The following RBFOX1 variants were observed in gnomAD, a reference collection of about 807,000 sequenced individuals.
RBFOX1 encodes RNA binding fox-1 homolog 1, also known as RNA binding protein fox-1 homolog 1.
RBFOX1 carries 8 observed loss-of-function variants against 57.7 expected under a neutral mutation model. That is an observed-to-expected ratio of 0.14 (90% confidence interval 0.08 to 0.25). The LOEUF is 0.25. RBFOX1 is among the 10% of genes least tolerant of loss of function. The pLI, the probability that RBFOX1 is intolerant of heterozygous loss-of-function variation, is 1.00. For synonymous variants in RBFOX1, 326 were observed against 222.4 expected, an observed-to-expected ratio of 1.47 and a Z score of -4.15; for missense variants, 611 against 548.5, an observed-to-expected ratio of 1.11 and a Z score of -1.14.
At chr16:5,686,441 C>T (rs1231546187) in intron 3 of RBFOX1, among the ~76,000 whole-genome samples, 1 of 152,164 alleles carries the variant, frequency 6.6e-6, no homozygotes, top group Non-Finnish European at 1.5e-5. Context: ...AGAATATAGT[C>T]AGAGTCAAAC....
chr16:6,406,056 A>C (rs2795534), intron 2 of RBFOX1, among the ~76,000 whole-genome samples: 99,638 of 152,020 alleles, frequency 0.66, 33,442 homozygotes, highest in African/African-American at 0.82. Context: ...CCAATGTCTC[A>C]CATATGTCCT....
chr16:5,401,476 G>A (rs2066712206), intron 1 of RBFOX1, among the ~76,000 whole-genome samples: 1 of 151,990 alleles, frequency 6.6e-6, no homozygotes, highest in Non-Finnish European at 1.5e-5. Flanking sequence ...TTTGTGATGG[G>A]GCCCCTCCTC....
Position 5,285,789 on chromosome 16 carries a change from C to T in RBFOX1, c.219+45684C>T, listed in dbSNP as rs372334799. 7.8e-4 allele frequency among the ~76,000 whole-genome samples: 118 copies of T among 152,094 alleles called. 2 individuals carry two copies. In the East Asian group the frequency reaches 0.021, roughly 27 times the overall value. ...CAGTTTTTTTTTGTTGTTGTCGTTG[C>T]TGAGATGGAGTCTTGCTCTGTCACC... On this transcript the variant is annotated intron_variant, in intron 1 of 2. Transcript: ENST00000585867.
At chr16:5,448,291 T>C (rs546298405) in intron 1 of RBFOX1, among the ~76,000 whole-genome samples, 66 of 152,248 alleles carry the variant, frequency 4.3e-4, no homozygotes, top group Admixed American at 1.2e-3. Flanking sequence ...CTCTAAACTG[T>C]TCCTCAAACT....
At chr16:7,181,272 C>T (rs771496767) in intron 4 of RBFOX1, among the ~76,000 whole-genome samples, 1 of 152,056 alleles carries the variant, frequency 6.6e-6, no homozygotes, top group Admixed American at 6.6e-5. Context: ...TGAAGGAGTA[C>T]CAGAACTGAA....
intron 3 of RBFOX1, among the ~76,000 whole-genome samples, chr16:5,789,691 C>A (rs1203439708): frequency 1.3e-5 from 2 of 152,160 alleles, no homozygotes; most frequent in Non-Finnish European, 2.9e-5. Context: ...TATCGCACTT[C>A]TCTTGATAAG....
At chr16:6,801,461 C>T (rs2085428970) in intron 3 of RBFOX1, among the ~76,000 whole-genome samples, 1 of 152,108 alleles carries the variant, frequency 6.6e-6, no homozygotes, top group East Asian at 1.9e-4. Flanking sequence ...AGCCTAATAG[C>T]AAATATAAAG....
At chr16:6,103,953 A>G (rs1469508502) in intron 1 of RBFOX1, among the ~76,000 whole-genome samples, 2 of 152,122 alleles carry the variant, frequency 1.3e-5, no homozygotes, top group African/African-American at 2.4e-5. Flanking sequence ...CGCCCTAGCC[A>G]TTGGGGCTCA....
chr16:5,853,891 C>G (rs1405953955), intron 3 of RBFOX1, among the ~76,000 whole-genome samples: 1 of 152,166 alleles, frequency 6.6e-6, no homozygotes, highest in Non-Finnish European at 1.5e-5. Context: ...TCCCAAAGTG[C>G]TGAAATTGCA....
At chr16:6,022,420 C>T (rs1357204388) in intron 1 of RBFOX1, among the ~76,000 whole-genome samples, 1 of 152,078 alleles carries the variant, frequency 6.6e-6, no homozygotes. Flanking sequence ...GTGGCTCATG[C>T]CTGTAATCCC....
At chr16:5,330,543 C>T (rs2064722250) in intron 1 of RBFOX1, among the ~76,000 whole-genome samples, 1 of 151,966 alleles carries the variant, frequency 6.6e-6, no homozygotes, top group Non-Finnish European at 1.5e-5. Flanking sequence ...GCTGGGACTA[C>T]AGGTGTGCGT....
chr16:6,957,308 T>A (rs1218291297), intron 3 of RBFOX1, among the ~76,000 whole-genome samples: 1 of 151,822 alleles, frequency 6.6e-6, no homozygotes, highest in Non-Finnish European at 1.5e-5. Flanking sequence ...ATTTTTTGTA[T>A]TTTTAGTACA....
At chr16:6,060,725 G>C (rs936251404) in intron 1 of RBFOX1, among the ~76,000 whole-genome samples, 6 of 152,172 alleles carry the variant, frequency 3.9e-5, no homozygotes, top group Non-Finnish European at 7.3e-5. Context: ...CTGTTTCCCA[G>C]GATTCAGGGG....
rs570147164 is a variant in RBFOX1 at position 6,354,510 on chromosome 16, T to C, written c.-64+37453T>C. Among the ~76,000 whole-genome samples, 5 of 152,282 alleles carry C rather than the reference T, an allele frequency of 3.3e-5. No homozygotes were observed. The South Asian group carries it at 8.3e-4, about 25-fold the overall frequency. ...GTCCCTGACTGATAGCTTCAGAGGC[T>C]CAAGGTCAAACATCTTTCCCAAGAT... On this transcript the variant is annotated intron_variant, in intron 2 of 15. Coordinates refer to ENST00000550418, the MANE Select transcript of RBFOX1 (RefSeq NM_018723.4).
At chr16:7,098,895 C>T (rs139494161) in intron 4 of RBFOX1, among the ~76,000 whole-genome samples, 2 of 152,104 alleles carry the variant, frequency 1.3e-5, no homozygotes, top group African/African-American at 2.4e-5. Context: ...CCCTCAGTTT[C>T]TTCATCTTTA....
intron 3 of RBFOX1, among the ~76,000 whole-genome samples, chr16:6,890,349 T>G (rs1179728031): frequency 6.6e-6 from 1 of 152,082 alleles, no homozygotes; most frequent in Non-Finnish European, 1.5e-5. Flanking sequence ...TGAAACCCCG[T>G]CTCTACTAAA....
rs745754694 is a variant in RBFOX1 at position 6,499,656 on chromosome 16, G to A, written c.-63-154947G>A. 9.2e-5 allele frequency among the ~76,000 whole-genome samples: 14 copies of A among 151,968 alleles called. 1 individual carries two copies. The highest frequency in any genetic ancestry group is 1.6e-4 in the Non-Finnish European group (11 of 68,008). On this transcript the variant is annotated intron_variant, in intron 2 of 15. Transcript: ENST00000550418. ...TGAGGTATTTCAAGTTCTCATTATT[G>A]TAATGTGTCAACATCACTTCAGTGA...
At position 7,034,087 on chromosome 16, in the gene RBFOX1, G is replaced by C. The variant is rs143183366; in HGVS notation, c.-15-17970G>C. 5.3e-5 allele frequency among the ~76,000 whole-genome samples: 8 copies of C among 152,284 alleles called. No individual in the cohort carries two copies. In the East Asian group the frequency reaches 1.5e-3, roughly 29 times the overall value. ...GGGATGGGGACGCGGTGGTGCAGGT[G>C]TCCATGCCATGGCTTAAGTGCCATC... On this transcript the variant is annotated intron_variant, in intron 3 of 15. Coordinates refer to ENST00000550418, the MANE Select transcript of RBFOX1 (RefSeq NM_018723.4).
At chr16:6,630,929 T>A (rs9302826) in intron 2 of RBFOX1, among the ~76,000 whole-genome samples, 117,163 of 151,966 alleles carry the variant, frequency 0.77, 45,197 homozygotes, top group South Asian at 0.85. Context: ...AGACTTCAAT[T>A]AAAAAAATGT....
Sources: allele counts gnomAD v4.1 joint callset (sites outside exome capture counted in the v4.1 genomes callset), GRCh38; gene constraint gnomAD v4.1.1; transcripts MANE v1.5; gene names NCBI Gene and HGNC (gene_info 2026-07-23, HGNC 2026-07-21).